Variants in NPAS3 observed in about 807,000 individuals in gnomAD.
NPAS3 encodes the protein neuronal PAS domain protein 3.
A neutral mutation model predicts 73.1 loss-of-function variants in NPAS3; 14 were observed. That is an observed-to-expected ratio of 0.19 (90% confidence interval 0.13 to 0.30). NPAS3 has a LOEUF of 0.30. Among genes scored for constraint, NPAS3 ranks in the 10% least tolerant of loss-of-function variants. NPAS3 has a pLI of 1.00. For synonymous variants in NPAS3, 620 were observed against 541.5 expected (o/e 1.14, Z -2.01); for missense variants, 1,096 against 1,250.0 (o/e 0.88, Z 1.86).
intron 2 of NPAS3, among the ~76,000 whole-genome samples, chr14:33,080,265 G>A (rs576121779): frequency 4.1e-4 from 62 of 152,026 alleles, no homozygotes; most frequent in South Asian, 1.0e-3. Context: ...CCGCCACCAC[G>A]CCTGGCTAAT....
intron 4 of NPAS3, among the ~76,000 whole-genome samples, chr14:33,531,053 T>A (rs564313640): frequency 6.6e-6 from 1 of 152,182 alleles, no homozygotes; most frequent in African/African-American, 2.4e-5. Flanking sequence ...TTTGTTTTGT[T>A]CTGTTTTGTT....
At chr14:33,573,452 C>A (rs894616150) in intron 5 of NPAS3, among the ~76,000 whole-genome samples, 1 of 152,152 alleles carries the variant, frequency 6.6e-6, no homozygotes, top group Non-Finnish European at 1.5e-5. Context: ...GAGAGATCCA[C>A]TACAAATCAT....
chr14:33,326,509 C>T (rs1364837194), intron 3 of NPAS3, among the ~76,000 whole-genome samples: 2 of 152,126 alleles, frequency 1.3e-5, no homozygotes, highest in African/African-American at 2.4e-5. Flanking sequence ...AGCTTGTTTT[C>T]GTTTACTTTT....
chr14:33,128,882 C>A (rs2043531898), intron 2 of NPAS3, among the ~76,000 whole-genome samples: 1 of 152,130 alleles, frequency 6.6e-6, no homozygotes, highest in South Asian at 2.1e-4. Flanking sequence ...TCAGAAATGG[C>A]TTCATGAGTG....
At chr14:33,499,977 A>C (rs748012821) in intron 4 of NPAS3, among the ~76,000 whole-genome samples, 4 of 151,928 alleles carry the variant, frequency 2.6e-5, no homozygotes, top group Admixed American at 2.0e-4. Context: ...GGAAGAAAAT[A>C]AAGGAATCAA....
chr14:33,661,552 C>T (rs1457695756), intron 5 of NPAS3, among the ~76,000 whole-genome samples: 1 of 152,172 alleles, frequency 6.6e-6, no homozygotes, highest in African/African-American at 2.4e-5. Context: ...TATTACAATA[C>T]ATATTATTTT....
intron 3 of NPAS3, among the ~76,000 whole-genome samples, chr14:33,259,498 T>C (rs2048895311): frequency 6.6e-6 from 1 of 152,216 alleles, no homozygotes; most frequent in African/African-American, 2.4e-5. Context: ...CTATTTCTTA[T>C]ACAGATAAAA....
chr14:33,027,328 T>C (rs1465885849), intron 1 of NPAS3, among the ~76,000 whole-genome samples: 1 of 152,208 alleles, frequency 6.6e-6, no homozygotes, highest in African/African-American at 2.4e-5. Flanking sequence ...GCTTGGGCTC[T>C]GAGTCAGGAG....
intron 3 of NPAS3, among the ~76,000 whole-genome samples, chr14:33,249,339 G>A (rs527472213): frequency 1.1e-5 from 1 of 87,694 alleles, no homozygotes; most frequent in South Asian, 4.6e-4. Flanking sequence ...TTTAATTCCC[G>A]TCCCCCCCAC....
At chr14:33,024,174 G>A (rs1959171) in intron 1 of NPAS3, among the ~76,000 whole-genome samples, 68,891 of 149,708 alleles carry the variant, frequency 0.46, 17,750 homozygotes, top group African/African-American at 0.71. Flanking sequence ...GTGTGTGTAT[G>A]TATATTCCCC....
intron 5 of NPAS3, among the ~76,000 whole-genome samples, chr14:33,565,182 T>G (rs992380278): frequency 1.3e-5 from 2 of 150,576 alleles, no homozygotes; most frequent in Non-Finnish European, 3.0e-5. Flanking sequence ...AAATTTGGTA[T>G]TTTTTTTAAG....
chr14:33,513,953 A>G (rs1479171885), intron 4 of NPAS3, among the ~76,000 whole-genome samples: 1 of 152,060 alleles, frequency 6.6e-6, no homozygotes, highest in Non-Finnish European at 1.5e-5. Context: ...CTTGCTAAAA[A>G]GCATGTACCC....
chr14:33,619,965 G>A (rs1177090980), intron 5 of NPAS3, among the ~76,000 whole-genome samples: 1 of 152,116 alleles, frequency 6.6e-6, no homozygotes, highest in East Asian at 1.9e-4. Flanking sequence ...TCTGTCAATG[G>A]ATCAGATTTT....
chr14:33,016,434 A>T (rs1036181123), intron 1 of NPAS3, among the ~76,000 whole-genome samples: 2 of 151,796 alleles, frequency 1.3e-5, no homozygotes, highest in African/African-American at 4.8e-5. Flanking sequence ...ATGAATGAAA[A>T]GGTGATTGAG....
intron 4 of NPAS3, among the ~76,000 whole-genome samples, chr14:33,399,885 T>G (rs1211326184): frequency 6.6e-6 from 1 of 152,130 alleles, no homozygotes; most frequent in Non-Finnish European, 1.5e-5. Flanking sequence ...GTTAATTAGC[T>G]GTGTGATCTT....
chr14:33,733,825 C>T (rs1184692379), intron 6 of NPAS3, among the ~76,000 whole-genome samples: 2 of 152,048 alleles, frequency 1.3e-5, no homozygotes, highest in Non-Finnish European at 2.9e-5. Flanking sequence ...GGACACTTGT[C>T]AGTGATTCCA....
chr14:33,069,842 T>C (rs1193457518), intron 2 of NPAS3, among the ~76,000 whole-genome samples: 1 of 152,210 alleles, frequency 6.6e-6, no homozygotes, highest in Non-Finnish European at 1.5e-5. Flanking sequence ...CCTGTCAAGT[T>C]ACCTGGTTAA....
intron 5 of NPAS3, among the ~76,000 whole-genome samples, chr14:33,580,993 T>A (rs2056643402): frequency 6.6e-6 from 1 of 152,182 alleles, no homozygotes; most frequent in South Asian, 2.1e-4. Context: ...ATAAAAGCTG[T>A]CCAAACCTGA....
intron 6 of NPAS3, among the ~76,000 whole-genome samples, chr14:33,722,457 T>C (rs1275520657): frequency 1.3e-5 from 2 of 152,198 alleles, no homozygotes; most frequent in African/African-American, 2.4e-5. Context: ...AGATTATTCA[T>C]AACCTTGAAG....
Sources: allele counts gnomAD v4.1 joint callset (sites outside exome capture counted in the v4.1 genomes callset), GRCh38; gene constraint gnomAD v4.1.1; transcripts MANE v1.5; gene names NCBI Gene and HGNC (gene_info 2026-07-23, HGNC 2026-07-21).